The following RORA variants were observed in gnomAD, a reference collection of about 807,000 sequenced individuals.
RORA encodes RAR related orphan receptor A, also known as nuclear receptor ROR-alpha.
Under a neutral mutation model 69.5 loss-of-function variants are expected in RORA, and 7 were observed. That is an observed-to-expected ratio of 0.10 (90% CI 0.06 to 0.19). RORA has a LOEUF of 0.19. Among genes scored for constraint, RORA ranks in the 10% least tolerant of loss-of-function variants. The pLI is 1.00. For missense variants in RORA, 457 were observed against 663.0 expected (o/e 0.69, Z 3.41); for synonymous variants, 261 against 240.8 (o/e 1.08, Z -0.78).
At chr15:60,813,771 T>C (rs1454372447) in intron 1 of RORA, among the ~76,000 whole-genome samples, 2 of 152,362 alleles carry the variant, frequency 1.3e-5, no homozygotes, top group Middle Eastern at 3.4e-3. Flanking sequence ...TTTACCTGTG[T>C]TGCCTTATTT....
At chr15:60,542,561 A>ACACGGCACGCATGCACACCT in intron 2 of RORA, among the ~76,000 whole-genome samples, 1 of 113,328 alleles carries the variant, frequency 8.8e-6, no homozygotes, top group African/African-American at 7.2e-5. Context: ...TGCACACCTC[A>ACACGGCACGCATGCACACCT]CACACACGGC....
At chr15:60,970,913 A>G (rs1212649288) in intron 1 of RORA, among the ~76,000 whole-genome samples, 2 of 152,218 alleles carry the variant, frequency 1.3e-5, no homozygotes, top group Non-Finnish European at 2.9e-5. Context: ...AAATTCAGAC[A>G]GGAGAGAGAC....
intron 2 of RORA, among the ~76,000 whole-genome samples, chr15:60,596,064 C>G (rs949808171): frequency 3.3e-5 from 5 of 152,160 alleles, no homozygotes; most frequent in African/African-American, 1.2e-4. Context: ...TCCTATGTTA[C>G]AGTTTAAATA....
intron 1 of RORA, among the ~76,000 whole-genome samples, chr15:61,120,700 C>CAAA (rs527369711): frequency 7.4e-5 from 4 of 54,362 alleles, no homozygotes; most frequent in Non-Finnish European, 1.3e-4. Flanking sequence ...GACTCTGTCT[C>CAAA]AAAAAAAAAA....
chr15:60,978,577 A>G (rs1893942784), intron 1 of RORA, among the ~76,000 whole-genome samples: 1 of 152,182 alleles, frequency 6.6e-6, no homozygotes, highest in Admixed American at 6.5e-5. Flanking sequence ...TTGGTGTGAC[A>G]CTTAAGAAAC....
At chr15:60,910,719 T>C (rs1197221398) in intron 1 of RORA, among the ~76,000 whole-genome samples, 2 of 152,162 alleles carry the variant, frequency 1.3e-5, no homozygotes, top group Non-Finnish European at 2.9e-5. Context: ...TGGAATCACA[T>C]GGCTTCTCTC....
At position 60,537,475 on chromosome 15, in the gene RORA, C is replaced by G. The variant is rs896773473; in HGVS notation, c.197-5624G>C. Among the ~76,000 whole-genome samples, 11 of 152,158 alleles carry G rather than the reference C, an allele frequency of 7.2e-5. No individual in the cohort carries two copies. The highest frequency in any genetic ancestry group is 7.2e-4 in the Admixed American group (11 of 15,282). On this transcript the variant is annotated intron_variant, in intron 2 of 10. Transcript: ENST00000335670. This position sits in a 1 kb window ranked among gnomAD's most constrained non-coding sequence, Gnocchi z 4.9. ...TCTACAGTGCTAGGAGTGGACAGTT[C>G]AGGGAGCAACATGCTTTCTCTCCAC... is the stretch of plus-strand genomic sequence containing the variant.
At chr15:60,647,670 A>G (rs1596094971) in intron 2 of RORA, among the ~76,000 whole-genome samples, 1 of 152,322 alleles carries the variant, frequency 6.6e-6, no homozygotes, top group East Asian at 1.9e-4. Flanking sequence ...ACTAGGACTA[A>G]AGAACCAGAA....
intron 2 of RORA, among the ~76,000 whole-genome samples, chr15:60,667,811 A>G (rs1003046131): frequency 4.6e-5 from 7 of 151,796 alleles, no homozygotes; most frequent in African/African-American, 1.2e-4. Context: ...TTTGGTGGAG[A>G]TGGGGTTTTG....
intron 1 of RORA, among the ~76,000 whole-genome samples, chr15:61,216,771 T>A (rs1434685432): frequency 6.6e-6 from 1 of 152,156 alleles, no homozygotes; most frequent in Non-Finnish European, 1.5e-5. Context: ...CAGTGATTTG[T>A]CCTCTTTTAA....
chr15:61,171,618 T>A (rs75735742), intron 1 of RORA, among the ~76,000 whole-genome samples: 1 of 152,178 alleles, frequency 6.6e-6, no homozygotes, highest in Admixed American at 6.5e-5. Context: ...CTAGCCCTAC[T>A]TGACTAATAA....
chr15:60,655,693 A>T (rs1247964161), intron 2 of RORA, among the ~76,000 whole-genome samples: 1 of 152,006 alleles, frequency 6.6e-6, no homozygotes, highest in Non-Finnish European at 1.5e-5. Context: ...TTGGATGTTC[A>T]TTTTCGTCGG....
At chr15:60,889,445 T>C (rs1312733879) in intron 1 of RORA, among the ~76,000 whole-genome samples, 1 of 152,138 alleles carries the variant, frequency 6.6e-6, no homozygotes. Context: ...AGAACCCTGG[T>C]GAATTAGGCT....
At chr15:60,507,469 C>T (rs1177463968) in intron 5 of RORA, among the ~76,000 whole-genome samples, 1 of 151,934 alleles carries the variant, frequency 6.6e-6, no homozygotes, top group Admixed American at 6.6e-5. Flanking sequence ...TACTTGGCAA[C>T]ACATAGACAC....
chr15:60,942,680 T>C (rs1892736190), intron 1 of RORA, among the ~76,000 whole-genome samples: 1 of 152,242 alleles, frequency 6.6e-6, no homozygotes, highest in Admixed American at 6.5e-5. Context: ...TGCATATACA[T>C]ACAAACATGT....
chr15:61,170,196 T>A (rs2079573375), intron 1 of RORA, among the ~76,000 whole-genome samples: 1 of 152,178 alleles, frequency 6.6e-6, no homozygotes, highest in Admixed American at 6.5e-5. Flanking sequence ...TCAACACAAA[T>A]CTACTAACTG....
intron 1 of RORA, among the ~76,000 whole-genome samples, chr15:61,212,251 TTTG>T (rs1333016363): frequency 6.6e-4 from 28 of 42,550 alleles, no homozygotes; most frequent in Admixed American, 1.6e-3. Flanking sequence ...TGTTTGTTTG[TTTG>T]TTTTAAAAAA....
At chr15:61,130,413 T>G (rs149082690) in intron 1 of RORA, among the ~76,000 whole-genome samples, 1 of 152,280 alleles carries the variant, frequency 6.6e-6, no homozygotes, top group African/African-American at 2.4e-5. Flanking sequence ...TATTTTATGG[T>G]GGGCTTTATA....
chr15:60,791,768 G>T (rs184036994), intron 1 of RORA, among the ~76,000 whole-genome samples: 1 of 152,198 alleles, frequency 6.6e-6, no homozygotes, highest in Non-Finnish European at 1.5e-5. Flanking sequence ...GCTGTCGACC[G>T]CAGGAACAAC....
Sources: gnomAD v4.1 joint callset for allele counts (sites outside exome capture counted in the v4.1 genomes callset) on GRCh38, gnomAD v4.1.1 for gene constraint, Gnocchi (gnomAD v3.1) non-coding constraint, MANE v1.5 for transcripts, NCBI Gene and HGNC (gene_info 2026-07-23, HGNC 2026-07-21) for gene names.